Variants in PHF14 observed in about 807,000 individuals in gnomAD.
PHF14 encodes the protein PHD finger protein 14.
In PHF14, 55 loss-of-function variants were observed where a neutral mutation model predicts 117.9. That is an observed-to-expected ratio of 0.47 (90% CI 0.38 to 0.58). PHF14 has a LOEUF of 0.58. Ranked by LOEUF, PHF14 falls within the 20% of genes least tolerant of loss-of-function variation. The probability of loss-of-function intolerance (pLI) is 0.00; values close to 1 mark genes in which losing one functional copy is unlikely to be tolerated. For missense variants in PHF14, 978 were observed against 1,122.2 expected (o/e 0.87, Z 1.84); for synonymous variants, 409 against 368.6 (o/e 1.11, Z -1.26).
chr7:11,129,093 GAT>G (rs577508173), intron 17 of PHF14, among the ~76,000 whole-genome samples: 21 of 152,136 alleles, frequency 1.4e-4, no homozygotes, highest in Admixed American at 1.3e-3. Context: ...TTTTTTCTAA[GAT>G]AGATTTAAGA....
chr7:10,974,036 C>G lies in PHF14; in HGVS notation c.-288C>G, dbSNP rs1442145060. The G allele has an allele frequency of 9.9e-6, 4 of 403,962 alleles. 1 individual carries two copies. Among genetic ancestry groups the G allele is most frequent in the Non-Finnish European group, 1.3e-5 (3 of 222,736 alleles). The allele number at this position is 403,962 out of a possible 1,614,324, so 25.0% of individuals were successfully genotyped here. A position where few individuals can be genotyped will look rare whatever the true frequency, so the allele number is the denominator to read the frequency against. ...TAGTTTTAACGGGAGAAATTAACTC[C>G]CCGGGGCCGCCGGGTTGACTGCGCT... On this transcript the variant is annotated 5_prime_UTR_variant, in exon 1 of 18. Coordinates refer to ENST00000634607, the MANE Select transcript of PHF14 (RefSeq NM_001007157.2).
intron 17 of PHF14, among the ~76,000 whole-genome samples, chr7:11,125,899 A>G (rs1374010182): frequency 6.6e-6 from 1 of 152,072 alleles, no homozygotes; most frequent in East Asian, 1.9e-4. Flanking sequence ...AATGGCTGCA[A>G]AAGATTATGT....
chr7:10,982,073 C>T (rs928021283), intron 2 of PHF14, among the ~76,000 whole-genome samples: 1 of 152,154 alleles, frequency 6.6e-6, no homozygotes, highest in African/African-American at 2.4e-5. Context: ...ATTGCCTTTT[C>T]AGTACCAAAT....
chr7:11,164,419 A>G (rs1789141751), intron 17 of PHF14, among the ~76,000 whole-genome samples: 1 of 152,184 alleles, frequency 6.6e-6, no homozygotes. Flanking sequence ...AATAATATCA[A>G]CATTATGAAT....
chr7:11,124,639 T>G (rs551720140), intron 17 of PHF14, among the ~76,000 whole-genome samples: 37 of 152,194 alleles, frequency 2.4e-4, no homozygotes, highest in South Asian at 8.3e-4. Flanking sequence ...GAAATGAGAT[T>G]CAGAGAAGTT....
At chr7:11,025,641 A>G (rs1783881609) in intron 6 of PHF14, among the ~76,000 whole-genome samples, 1 of 151,922 alleles carries the variant, frequency 6.6e-6, no homozygotes, top group Non-Finnish European at 1.5e-5. Context: ...AAAAAATACA[A>G]AAAATTAGCC....
intron 17 of PHF14, among the ~76,000 whole-genome samples, chr7:11,140,298 T>G (rs1788364525): frequency 6.6e-6 from 1 of 152,120 alleles, no homozygotes; most frequent in East Asian, 1.9e-4. Context: ...ATGTGCGATA[T>G]ACCCTATTTT....
chr7:10,986,117 C>T (rs149561305), intron 3 of PHF14, among the ~76,000 whole-genome samples: 60 of 151,432 alleles, frequency 4.0e-4, no homozygotes, highest in African/African-American at 1.3e-3. Context: ...TACAGGTGTA[C>T]GACAACGACT....
intron 14 of PHF14, among the ~76,000 whole-genome samples, chr7:11,055,312 C>G (rs1231339261): frequency 6.6e-6 from 1 of 152,060 alleles, no homozygotes; most frequent in Non-Finnish European, 1.5e-5. Flanking sequence ...TGAAAGCTTT[C>G]AGATTTTCTT....
chr7:11,023,033 T>A, intron 6 of PHF14, 54 bp downstream of exon 6: 1 of 910,360 alleles, frequency 1.1e-6, no homozygotes, highest in Non-Finnish European at 1.7e-6. Context: ...TACTTGTTAG[T>A]TTACCTGGCT....
chr7:10,999,388 G>C (rs1419050172), intron 4 of PHF14, among the ~76,000 whole-genome samples: 1 of 152,158 alleles, frequency 6.6e-6, no homozygotes, highest in Non-Finnish European at 1.5e-5. Flanking sequence ...TTGGGCTGCT[G>C]ATGCCTTGTG....
chr7:11,165,397 C>G (rs1290243715), intron 17 of PHF14, among the ~76,000 whole-genome samples: 2 of 151,992 alleles, frequency 1.3e-5, no homozygotes, highest in African/African-American at 4.8e-5. Flanking sequence ...TGATATTAAC[C>G]TTGACCATTT....
chr7:11,111,385 G>A lies in PHF14; in HGVS notation c.2690G>A (p.Cys897Tyr). 1 of 1,607,694 alleles carries A rather than the reference G, an allele frequency of 6.2e-7. No individual in the cohort carries two copies. The highest frequency in any genetic ancestry group is 8.5e-7 in the Non-Finnish European group (1 of 1,175,972). ...TGCAGACTCTGCTACCATTTTGGCTGTTTGGATCCTCCTTTGAAAAAGTCT... is the reference window on the plus strand; with the variant it reads ...TGCAGACTCTGCTACCATTTTGGCTATTTGGATCCTCCTTTGAAAAAGTCT... ...DECRLCYHFG[C>Y]LDPPLKKSPK... Residue 897 changes from cysteine (C) to tyrosine (Y), a missense_variant, in exon 17 of 18, where the codon TGT becomes TAT. Transcript: ENST00000634607.
intron 14 of PHF14, among the ~76,000 whole-genome samples, 158 bp downstream of exon 14, chr7:11,051,938 A>T (rs1253394672): frequency 1.3e-5 from 2 of 152,166 alleles, no homozygotes; most frequent in Non-Finnish European, 1.5e-5. Context: ...GAAATATACC[A>T]CATGCTTACC....
Position 10,982,766 on chromosome 7 carries a change from G to C in PHF14, c.507G>C (p.Thr169=), listed in dbSNP as rs200552769. The change falls in exon 3 of 18, where the codon ACG becomes ACC. Residue 169 remains threonine, a synonymous_variant. Transcript: ENST00000634607. The stretch of plus-strand genomic sequence containing the variant: ...ACACATCCCCTTCTGTTCCCACTAC[G>C]ACAACCGCTACAGAGGAACAAGTCA... ...AVNTSPSVPT[T]TTATEEQVSE... 6.2e-7 allele frequency: 1 copy of C among 1,613,676 alleles called. No individual in the cohort carries two copies. Among genetic ancestry groups the C allele is most frequent in the Admixed American group, 1.7e-5 (1 of 59,940 alleles).
At position 11,146,718 on chromosome 7, in the gene PHF14, G is replaced by A. The variant is rs553660249; in HGVS notation, c.2773-22698G>A. ...TCCTTTCATACATACATTCAGCTCC[G>A]CATGGTCATTTCCAGCAGAACTAGG... is the stretch of plus-strand genomic sequence containing the variant. On this transcript the variant is annotated intron_variant, in intron 17 of 17. Coordinates refer to ENST00000634607, the MANE Select transcript of PHF14 (RefSeq NM_001007157.2). Among the ~76,000 whole-genome samples, 12 of 152,182 alleles carry A rather than the reference G, an allele frequency of 7.9e-5. No individual in the cohort carries two copies. The East Asian group carries it at 1.7e-3, about 22-fold the overall frequency.
At chr7:11,123,520 A>T (rs545837751) in intron 17 of PHF14, among the ~76,000 whole-genome samples, 6 of 152,234 alleles carry the variant, frequency 3.9e-5, no homozygotes, top group African/African-American at 1.4e-4. Flanking sequence ...AGTGGCTCAC[A>T]CCTGTATTCC....
intron 14 of PHF14, 77 bp downstream of exon 14, chr7:11,051,857 C>A: frequency 8.5e-7 from 1 of 1,177,122 alleles, no homozygotes; most frequent in Non-Finnish European, 1.2e-6. Context: ...AGACACAGGG[C>A]AAACATATAC....
At chr7:11,104,870 T>A (rs532939547) in intron 16 of PHF14, 28 of 957,294 alleles carry the variant, frequency 2.9e-5, no homozygotes, top group Non-Finnish European at 3.0e-5. Flanking sequence ...CATTCATAGG[T>A]AGTATTTTTT....
Sources: allele counts gnomAD v4.1 joint callset (sites outside exome capture counted in the v4.1 genomes callset), GRCh38; gene constraint gnomAD v4.1.1; transcripts MANE v1.5; gene names NCBI Gene and HGNC (gene_info 2026-07-23, HGNC 2026-07-21).